Variants in CRBN observed in about 807,000 individuals in gnomAD.
CRBN encodes the protein cereblon, also known as protein cereblon.
Under a neutral mutation model 62.2 loss-of-function variants are expected in CRBN, and 53 were observed. The ratio of observed to expected loss-of-function variants is 0.85; its 90% CI spans 0.68 to 1.07. The LOEUF is 1.07. Ranked by LOEUF, CRBN falls within the 50% of genes least tolerant of loss-of-function variation. The pLI, the probability that CRBN is intolerant of heterozygous loss-of-function variation, is 0.00. For missense variants in CRBN, 616 were observed against 531.1 expected, an observed-to-expected ratio of 1.16 and a Z score of -1.57; for synonymous variants, 208 against 176.1, an observed-to-expected ratio of 1.18 and a Z score of -1.43.
intron 5 of CRBN, among the ~76,000 whole-genome samples, chr3:3,158,047 T>C (rs1378229180): frequency 6.6e-6 from 1 of 152,216 alleles, no homozygotes; most frequent in Non-Finnish European, 1.5e-5. Flanking sequence ...ATAATCCTTA[T>C]ATTTGAGACT....
chr3:3,176,765 T>A (rs979131082), intron 1 of CRBN, among the ~76,000 whole-genome samples: 1 of 152,216 alleles, frequency 6.6e-6, no homozygotes, highest in African/African-American at 2.4e-5. Flanking sequence ...AATTTTGCAA[T>A]CATTTGCATA....
intron 8 of CRBN, 67 bp downstream of exon 8, chr3:3,153,893 A>C (rs1332216044): frequency 3.9e-5 from 39 of 1,009,510 alleles, no homozygotes; most frequent in Non-Finnish European, 5.9e-5. Flanking sequence ...CATTGGCCCC[A>C]ACAGAGCATC....
At chr3:3,171,120 C>T (rs1331647389) in intron 4 of CRBN, among the ~76,000 whole-genome samples, 2 of 152,110 alleles carry the variant, frequency 1.3e-5, no homozygotes, top group Admixed American at 6.5e-5. Context: ...TTAATCTTTA[C>T]TAGAGTCAAA....
chr3:3,151,102 C>T (rs2126047716), intron 10 of CRBN, 57 bp from the exon 11 acceptor site: 3 of 1,569,286 alleles, frequency 1.9e-6, no homozygotes, highest in Non-Finnish European at 2.6e-6. Context: ...CCAAGCCTAT[C>T]ATATAAACCT....
intron 4 of CRBN, among the ~76,000 whole-genome samples, chr3:3,169,485 A>G (rs1394522632): frequency 6.6e-6 from 1 of 152,186 alleles, no homozygotes; most frequent in Non-Finnish European, 1.5e-5. Context: ...TAGGAAAAAA[A>G]CCGCACAAAT....
intron 7 of CRBN, 194 bp from the exon 8 acceptor site, chr3:3,154,269 T>G: frequency 1.7e-6 from 1 of 575,740 alleles, no homozygotes; most frequent in Non-Finnish European, 3.1e-6. Flanking sequence ...ATTGCTTTTC[T>G]TATACTTTTT....
rs374479360 is a variant in CRBN at position 3,156,306 on chromosome 3, TAAAA to T, written c.688-29_688-26del. ...TCTGAAAACAAAACAAAAAGGCACT[TAAAA>T]AACCCCACAGAATAAAGATTCTAAT... On this transcript the variant is annotated intron_variant, in intron 5 of 10. Transcript: ENST00000231948. 163 of 1,600,252 alleles carry T rather than the reference TAAAA, an allele frequency of 1.0e-4. 1 individual carries two copies. In the African/African-American group the frequency reaches 1.3e-3, roughly 12 times the overall value.
intron 6 of CRBN, chr3:3,155,929 C>G (rs2126055894): frequency 2.8e-6 from 1 of 358,082 alleles, no homozygotes; most frequent in Non-Finnish European, 5.2e-6. Context: ...ACCTCAGCCT[C>G]TCAAGCAGCT....
chr3:3,154,694 A>G (rs550057340), intron 7 of CRBN, 53 bp downstream of exon 7: 48 of 992,330 alleles, frequency 4.8e-5, no homozygotes, highest in Middle Eastern at 2.0e-4. Context: ...TGAAAAAGCT[A>G]TTTTTTATAG....
At chr3:3,175,292 G>GA (rs200503560) in intron 1 of CRBN, 23 bp from the exon 2 acceptor site, 55,879 of 1,005,318 alleles carry the variant, frequency 0.056, no homozygotes, top group Non-Finnish European at 0.059. Context: ...AATATTGTAA[G>GA]AAAAAAAAAA....
rs1178545430 is a variant in CRBN, at chr3:3,150,211, G to A, written c.*654C>T. 6.6e-6 allele frequency: 1 copy of A among 152,372 alleles called. No individual in the cohort carries two copies. The highest frequency in any genetic ancestry group is 1.5e-5 in the Non-Finnish European group (1 of 68,228). The allele number at this position is 152,372 out of a possible 1,614,324, so 9.4% of individuals were successfully genotyped here. ...TAAATGGGCTTATAGTTCAGATACT[G>A]AGCAAATACACAATACTACTTTTTA... On this transcript the variant is annotated 3_prime_UTR_variant, in exon 11 of 11. Transcript: ENST00000231948.
intron 5 of CRBN, among the ~76,000 whole-genome samples, chr3:3,164,094 CCTCCATCTCT>C (rs1707238230): frequency 6.6e-6 from 1 of 152,100 alleles, no homozygotes; most frequent in Admixed American, 6.6e-5. Flanking sequence ...CTGACGAGCC[CCTCCATCTCT>C]CTCCCTCTCC....
At chr3:3,177,956 A>G (rs887936836) in intron 1 of CRBN, among the ~76,000 whole-genome samples, 2 of 152,076 alleles carry the variant, frequency 1.3e-5, no homozygotes, top group Non-Finnish European at 2.9e-5. Flanking sequence ...TGCTATATCT[A>G]CACCATCTCT....
intron 8 of CRBN, 30 bp from the exon 9 acceptor site, chr3:3,153,518 A>C: frequency 7.8e-7 from 1 of 1,281,346 alleles, no homozygotes. Flanking sequence ...AATTATTGGT[A>C]GGAAAAACTG....
chr3:3,152,054 G>A (rs904736640), intron 10 of CRBN, among the ~76,000 whole-genome samples: 9 of 152,098 alleles, frequency 5.9e-5, no homozygotes, highest in African/African-American at 2.2e-4. Context: ...GACAACTGCA[G>A]TTGTCAACCT....
chr3:3,164,651 G>C (rs1186264297), intron 5 of CRBN, among the ~76,000 whole-genome samples: 4 of 152,200 alleles, frequency 2.6e-5, no homozygotes, highest in Non-Finnish European at 5.9e-5. Context: ...TAAGCCTGCT[G>C]TTGAGACCTA....
At chr3:3,153,377 A>T (rs759405801) in intron 9 of CRBN, 47 bp downstream of exon 9, 2 of 1,059,590 alleles carry the variant, frequency 1.9e-6, no homozygotes, top group South Asian at 1.3e-5. Flanking sequence ...AGTCTTCATT[A>T]TAATTCTGAT....
At chr3:3,158,667 G>A (rs1707013101) in intron 5 of CRBN, among the ~76,000 whole-genome samples, 2 of 152,128 alleles carry the variant, frequency 1.3e-5, no homozygotes, top group South Asian at 4.1e-4. Flanking sequence ...ATACTCTAAG[G>A]TTAGTAGTTT....
intron 4 of CRBN, among the ~76,000 whole-genome samples, chr3:3,168,296 G>A (rs1251308493): frequency 6.6e-6 from 1 of 152,146 alleles, no homozygotes; most frequent in Admixed American, 6.5e-5. Flanking sequence ...AATAACACTA[G>A]AGAGTTACAT....
Sources: allele counts gnomAD v4.1 joint callset (sites outside exome capture counted in the v4.1 genomes callset), GRCh38; gene constraint gnomAD v4.1.1; transcripts MANE v1.5; gene names NCBI Gene and HGNC (gene_info 2026-07-23, HGNC 2026-07-21).